Variants in FAM107A observed in about 807,000 individuals in gnomAD.
FAM107A encodes the protein actin-associated protein FAM107A.
Under a neutral mutation model 13.7 loss-of-function variants are expected in FAM107A, and 19 were observed. That is an observed-to-expected ratio of 1.38 (90% confidence interval 0.97 to 2.03). The LOEUF is 2.03. Among genes scored for constraint, FAM107A ranks in the 30% most tolerant of loss-of-function variants. FAM107A has a pLI of 0.00. For synonymous variants in FAM107A, 82 were observed against 74.5 expected (o/e 1.10, Z -0.52); for missense variants, 203 against 184.4 (o/e 1.10, Z -0.58).
rs892451319 is a variant in FAM107A at position 58,604,094 on chromosome 3, G to A, written c.-69-14825C>T. Among the ~76,000 whole-genome samples the A allele has an allele frequency of 5.3e-5, 8 of 151,798 alleles. No individual in the cohort carries two copies. The highest frequency in any genetic ancestry group is 1.9e-4 in the African/African-American group (8 of 41,312). On this transcript the variant is annotated intron_variant, in intron 1 of 3. Coordinates refer to the FAM107A transcript ENST00000465970. The surrounding 1 kb of genome is among the most constrained non-coding windows in gnomAD (Gnocchi z 4.1). ...GCTTCACACTAGCATGTCGGCTGAT[G>A]AGCAGTTTCCACCTGGGCTTTTGAA...
chr3:58,614,805 G>A (rs1045717300), intron 1 of FAM107A, among the ~76,000 whole-genome samples: 1 of 147,890 alleles, frequency 6.8e-6, no homozygotes. Flanking sequence ...GCACCAGGAC[G>A]ATTCAATTTC....
chr3:58,618,536 C>T (rs537791306), intron 1 of FAM107A, among the ~76,000 whole-genome samples: 9 of 152,334 alleles, frequency 5.9e-5, no homozygotes, highest in South Asian at 2.1e-4. Context: ...CATTCAGGGC[C>T]TCTGAGGCGA....
chr3:58,599,741 G>T (rs1326379168), intron 1 of FAM107A, among the ~76,000 whole-genome samples: 1 of 56,732 alleles, frequency 1.8e-5, no homozygotes, highest in African/African-American at 5.2e-5. Flanking sequence ...TTTTTGAGAC[G>T]GGATCCCGCT....
At chr3:58,586,761 G>C (rs2065610041) in intron 1 of FAM107A, 14 of 1,251,668 alleles carry the variant, frequency 1.1e-5, no homozygotes, top group Non-Finnish European at 1.4e-5. Flanking sequence ...ACGAAGCAGA[G>C]GCGCCCAGCG....
chr3:58,611,718 T>A (rs1303271121), intron 1 of FAM107A, among the ~76,000 whole-genome samples: 2 of 152,234 alleles, frequency 1.3e-5, no homozygotes, highest in African/African-American at 4.8e-5. Flanking sequence ...TGACCTGCTG[T>A]GTGGCCTTCA....
At chr3:58,600,727 A>G (rs2065746290) in intron 1 of FAM107A, among the ~76,000 whole-genome samples, 1 of 152,216 alleles carries the variant, frequency 6.6e-6, no homozygotes, top group Non-Finnish European at 1.5e-5. Flanking sequence ...TTTAATCATA[A>G]TTAATTAAGT....
At chr3:58,611,651 T>A (rs58306044) in intron 1 of FAM107A, among the ~76,000 whole-genome samples, 9,342 of 152,226 alleles carry the variant, frequency 0.061, 324 homozygotes, top group African/African-American at 0.093. Flanking sequence ...AGTGGGTGGC[T>A]CAGAGAGAGA....
At chr3:58,585,364 G>T (rs2065594162) in intron 1 of FAM107A, among the ~76,000 whole-genome samples, 1 of 152,222 alleles carries the variant, frequency 6.6e-6, no homozygotes, top group Non-Finnish European at 1.5e-5. Context: ...TGCCTGTCCC[G>T]CCTCAGCAAG....
chr3:58,585,636 T>C (rs1056600504), intron 1 of FAM107A, among the ~76,000 whole-genome samples: 1 of 152,208 alleles, frequency 6.6e-6, no homozygotes, highest in Non-Finnish European at 1.5e-5. Context: ...GGCGAGCTCC[T>C]TGCCCAAGGC....
upstream of FAM107A, among the ~76,000 whole-genome samples, chr3:58,578,131 G>C (rs1333840598): frequency 6.6e-6 from 1 of 152,204 alleles, no homozygotes; most frequent in East Asian, 1.9e-4. Context: ...GAAGCACATA[G>C]TCAAAGCTCA....
At position 58,606,077 on chromosome 3, in the gene FAM107A, A is replaced by C. The variant is rs540675142; in HGVS notation, c.-69-16808T>G. ...TGGGAGGTCATTGCTCTTTGCATGGATGATTATGCTGTTATCTCTTTTTTG... is the reference window on the plus strand; with the variant it reads ...TGGGAGGTCATTGCTCTTTGCATGGCTGATTATGCTGTTATCTCTTTTTTG... On this transcript the variant is annotated intron_variant, in intron 1 of 3. Transcript: ENST00000465970. Among the ~76,000 whole-genome samples the C allele has an allele frequency of 1.4e-3, 220 of 152,038 alleles. 4 individuals carry two copies. In the South Asian group the frequency reaches 0.044, roughly 30 times the overall value.
At chr3:58,605,459 T>C (rs2065785574) in intron 1 of FAM107A, among the ~76,000 whole-genome samples, 1 of 152,164 alleles carries the variant, frequency 6.6e-6, no homozygotes, top group African/African-American at 2.4e-5. Context: ...GATCTCTGCC[T>C]CCTGAGCTCA....
At chr3:58,620,866 A>T (rs2065948327) in intron 1 of FAM107A, among the ~76,000 whole-genome samples, 1 of 152,160 alleles carries the variant, frequency 6.6e-6, no homozygotes, top group Non-Finnish European at 1.5e-5. Context: ...AGAGCAGGAA[A>T]ACTGTGCCCT....
rs1559472521 is a variant in FAM107A, at chr3:58,566,507, G to T, written c.*81C>A. ...CATCACAGACGTCCCAGGGCCTGGGGCCCAGGGCTGCCAGGTACAGAAGGG... is the reference window on the plus strand; with the variant it reads ...CATCACAGACGTCCCAGGGCCTGGGTCCCAGGGCTGCCAGGTACAGAAGGG... On this transcript the variant is annotated 3_prime_UTR_variant, in exon 4 of 4. Transcript: ENST00000360997. 4 of 935,176 alleles carry T rather than the reference G, an allele frequency of 4.3e-6. No homozygotes were observed. The highest frequency in any genetic ancestry group is 6.9e-6 in the Non-Finnish European group (4 of 582,000). The allele number at this position is 935,176 out of a possible 1,614,324, so 57.9% of individuals were successfully genotyped here.
intron 3 of FAM107A, 164 bp from the exon 4 acceptor site, chr3:58,566,859 G>C (rs1237646306): frequency 3.2e-6 from 2 of 627,534 alleles, no homozygotes; most frequent in East Asian, 2.7e-5. Context: ...GCATGAGACT[G>C]AGTTCTCCTT....
intron 1 of FAM107A, among the ~76,000 whole-genome samples, chr3:58,583,620 CA>C (rs35261702): frequency 0.74 from 109,596 of 147,288 alleles, 41,868 homozygotes; most frequent in East Asian, 0.98. Flanking sequence ...AAAACTCTGT[CA>C]AAAAAAAAAA....
At chr3:58,620,250 T>A (rs2065940201) in intron 1 of FAM107A, among the ~76,000 whole-genome samples, 1 of 152,148 alleles carries the variant, frequency 6.6e-6, no homozygotes, top group African/African-American at 2.4e-5. Context: ...TTTGCCCTAG[T>A]CCGGGGAAGT....
chr3:58,618,439 C>T (rs2065923771), intron 1 of FAM107A, among the ~76,000 whole-genome samples: 1 of 152,214 alleles, frequency 6.6e-6, no homozygotes, highest in South Asian at 2.1e-4. Flanking sequence ...TACCCTAAAC[C>T]AGTGGGCAGC....
rs568544221 is a variant in FAM107A at position 58,627,328 on chromosome 3, G to A, written c.-70+88C>T. ...AGGCAGCTGGGAAATGAGGGAAGAC[G>A]TGGGGCAGTCCTCTCATCACACACC... On this transcript the variant is annotated intron_variant, in intron 1 of 3. Transcript: ENST00000465970. 7.9e-4 allele frequency: 297 copies of A among 374,694 alleles called. 3 individuals are homozygous for A. In the South Asian group the frequency reaches 0.013, roughly 16 times the overall value. The allele number at this position is 374,694 out of a possible 1,614,324, so 23.2% of individuals were successfully genotyped here. A position where few individuals can be genotyped will look rare whatever the true frequency, so the allele number is the denominator to read the frequency against.
Sources: gnomAD v4.1 joint callset for allele counts (sites outside exome capture counted in the v4.1 genomes callset) on GRCh38, gnomAD v4.1.1 for gene constraint, Gnocchi (gnomAD v3.1) non-coding constraint, MANE v1.5 for transcripts, NCBI Gene and HGNC (gene_info 2026-07-23, HGNC 2026-07-21) for gene names.